Variants in PPM1G observed in about 807,000 individuals in gnomAD.
PPM1G encodes protein phosphatase, Mg2+/Mn2+ dependent 1G.
A neutral mutation model predicts 59.4 loss-of-function variants in PPM1G; 12 were observed. That is an observed-to-expected ratio of 0.20 (90% CI 0.13 to 0.33). The LOEUF (loss-of-function observed/expected upper bound fraction) is 0.33. Among genes scored for constraint, PPM1G ranks in the 10% least tolerant of loss-of-function variants. PPM1G has a pLI of 1.00. For missense variants in PPM1G, 392 were observed against 681.3 expected (o/e 0.58, Z 4.73); for synonymous variants, 245 against 251.9 (o/e 0.97, Z 0.26).
At chr2:27,405,518 G>T (rs1331670139) in intron 1 of PPM1G, among the ~76,000 whole-genome samples, 1 of 151,480 alleles carries the variant, frequency 6.6e-6, no homozygotes, top group Admixed American at 6.6e-5. Context: ...GTGAGATCTC[G>T]GCTCACTGGC....
chr2:27,396,455 G>A (rs185248064), intron 1 of PPM1G, among the ~76,000 whole-genome samples: 2 of 152,188 alleles, frequency 1.3e-5, no homozygotes, highest in Admixed American at 1.3e-4. Flanking sequence ...TCTGTAGGAT[G>A]AAGAGTTCTG....
chr2:27,385,140 C>A lies in PPM1G; in HGVS notation c.410-52G>T. 6.6e-7 allele frequency: 1 copy of A among 1,515,128 alleles called. No individual in the cohort carries two copies. The highest frequency in any genetic ancestry group is 8.8e-7 in the Non-Finnish European group (1 of 1,138,058). 93.9% of individuals were successfully genotyped at this position (1,515,128 alleles called of 1,614,324 possible). The stretch of plus-strand genomic sequence containing the variant: ...CCCCATGCCAGACTCCTCATGGGAT[C>A]CGTCCCTCTCACTACCTCAACAGCC... On this transcript the variant is annotated intron_variant, in intron 4 of 9. Coordinates refer to ENST00000344034, the MANE Select transcript of PPM1G (RefSeq NM_177983.3). The surrounding 1 kb of genome is among the most constrained non-coding windows in gnomAD (Gnocchi z 4.1).
chr2:27,392,779 G>T (rs1464244819), intron 1 of PPM1G: 1 of 1,458,250 alleles, frequency 6.9e-7, no homozygotes, highest in Non-Finnish European at 9.5e-7. Flanking sequence ...AAATTAGCCT[G>T]AGGCTTAGCT....
At chr2:27,386,407 C>T (rs1683763358) in intron 2 of PPM1G, 128 bp from the exon 3 acceptor site, 2 of 633,406 alleles carry the variant, frequency 3.2e-6, no homozygotes, top group African/African-American at 1.8e-5. Flanking sequence ...CACCCCTGAA[C>T]CCTATTTGAA....
At chr2:27,401,135 G>A (rs187319512) in intron 1 of PPM1G, among the ~76,000 whole-genome samples, 1 of 152,310 alleles carries the variant, frequency 6.6e-6, no homozygotes, top group East Asian at 1.9e-4. Flanking sequence ...CACTGATCTA[G>A]AAAGAAGCAA....
In PPM1G at chr2:27,385,535, T is replaced by C. The variant is rs1287742242; in HGVS notation, c.409+212A>G. 3.3e-6 allele frequency: 2 copies of C among 598,706 alleles called. No individual in the cohort carries two copies. The highest frequency in any genetic ancestry group is 4.9e-5 in the South Asian group (2 of 40,654). 37.1% of individuals were successfully genotyped at this position (598,706 alleles called of 1,614,324 possible). On this transcript the variant is annotated intron_variant, in intron 4 of 9. Coordinates refer to ENST00000344034, the MANE Select transcript of PPM1G (RefSeq NM_177983.3). This position sits in a 1 kb window ranked among gnomAD's most constrained non-coding sequence, Gnocchi z 4.1. ...TCACAATGACAAAAGATAATGTATA[T>C]ACAATGCTTACAGCTCAGATGCCAC...
Position 27,382,830 on chromosome 2 carries a change from T to TA in PPM1G, c.1202-226_1202-225insT, listed in dbSNP as rs1491256565. Among the ~76,000 whole-genome samples, 9 of 43,730 alleles carry TA rather than the reference T, an allele frequency of 2.1e-4. No homozygotes were observed. Among genetic ancestry groups the TA allele is most frequent in the Non-Finnish European group, 3.6e-4 (9 of 24,842 alleles). The allele number at this position is 43,730 out of a possible 152,430, so 28.7% of individuals were successfully genotyped here. A position where few individuals can be genotyped will look rare whatever the true frequency, so the allele number is the denominator to read the frequency against. ...GTCTTTTTATTTTAAGTCTTTTTTG[T>TA]TTTTTTTTTTTTGAGACGGAGTTTC... On this transcript the variant is annotated intron_variant, in intron 7 of 9. Transcript: ENST00000344034. The surrounding 1 kb of genome is among the most constrained non-coding windows in gnomAD (Gnocchi z 4.2).
intron 1 of PPM1G, among the ~76,000 whole-genome samples, chr2:27,407,941 G>A (rs536925000): frequency 6.6e-6 from 1 of 152,140 alleles, no homozygotes; most frequent in South Asian, 2.1e-4. Flanking sequence ...CAACTACTAG[G>A]GAGGCTGAGG....
At position 27,386,921 on chromosome 2, in the gene PPM1G, G is replaced by C. The variant is rs924797090; in HGVS notation, c.190+168C>G. On this transcript the variant is annotated intron_variant, in intron 2 of 9. Coordinates refer to ENST00000344034, the MANE Select transcript of PPM1G (RefSeq NM_177983.3). ...CCTGGTGAGATTATAAACCAATACA[G>C]TACCTACTGGGAAAAAAGAATGACA... 14 of 601,862 alleles carry C rather than the reference G, an allele frequency of 2.3e-5. No individual in the cohort carries two copies. The South Asian group carries it at 2.7e-4, about 11-fold the overall frequency. The allele number at this position is 601,862 out of a possible 1,614,324, so 37.3% of individuals were successfully genotyped here. A position where few individuals can be genotyped will look rare whatever the true frequency, so the allele number is the denominator to read the frequency against.
In PPM1G at chr2:27,381,549, G is replaced by C. The variant is rs759083140; in HGVS notation, c.*50C>G. ...GGAAAAAGACAAAACTCAGTCTCAG[G>C]TCCGGAGGGCTCAGAAAACAGTCTA... On this transcript the variant is annotated 3_prime_UTR_variant, in exon 10 of 10. Transcript: ENST00000344034. The C allele has an allele frequency of 1.9e-6, 3 of 1,603,250 alleles. No individual in the cohort carries two copies. Among genetic ancestry groups the C allele is most frequent in the South Asian group, 2.2e-5 (2 of 90,862 alleles).
At chr2:27,399,544 T>C (rs1035481694) in intron 1 of PPM1G, among the ~76,000 whole-genome samples, 2 of 152,078 alleles carry the variant, frequency 1.3e-5, no homozygotes. Context: ...TGTGGTGGCA[T>C]GTGCCTGTAA....
chr2:27,400,855 G>A (rs1028552932), intron 1 of PPM1G, among the ~76,000 whole-genome samples: 1 of 152,182 alleles, frequency 6.6e-6, no homozygotes, highest in Non-Finnish European at 1.5e-5. Flanking sequence ...TATCTGAACA[G>A]AAGGAGAGAA....
At chr2:27,386,928 C>T in intron 2 of PPM1G, 161 bp downstream of exon 2, 1 of 610,276 alleles carries the variant, frequency 1.6e-6, no homozygotes. Flanking sequence ...ACAGTACCTA[C>T]TGGGAAAAAA....
chr2:27,407,101 G>C (rs1028329590), intron 1 of PPM1G, among the ~76,000 whole-genome samples: 2 of 151,712 alleles, frequency 1.3e-5, no homozygotes, highest in Non-Finnish European at 2.9e-5. Flanking sequence ...AAGTAGCTAT[G>C]ATTATAGGCA....
At chr2:27,404,594 C>A (rs1338658420) in intron 1 of PPM1G, among the ~76,000 whole-genome samples, 1 of 151,768 alleles carries the variant, frequency 6.6e-6, no homozygotes, top group Non-Finnish European at 1.5e-5. Context: ...GCAGTTTTGT[C>A]ACTTCCAGAG....
chr2:27,391,980 C>G (rs1683915797), intron 1 of PPM1G, among the ~76,000 whole-genome samples: 1 of 151,974 alleles, frequency 6.6e-6, no homozygotes, highest in African/African-American at 2.4e-5. Context: ...ATCTGCCCAC[C>G]TTGGCCTCCC....
chr2:27,404,440 T>C (rs1262625366), intron 1 of PPM1G, among the ~76,000 whole-genome samples: 2 of 151,386 alleles, frequency 1.3e-5, no homozygotes, highest in Non-Finnish European at 2.9e-5. Context: ...ATCCCAGCTA[T>C]TTGGAAGGCT....
chr2:27,387,023 G>A, intron 2 of PPM1G, 66 bp downstream of exon 2: 2 of 1,300,738 alleles, frequency 1.5e-6, no homozygotes, highest in Non-Finnish European at 2.2e-6. Flanking sequence ...AAAGGGACCT[G>A]TTCTTGCCCT....
intron 1 of PPM1G, among the ~76,000 whole-genome samples, chr2:27,404,017 C>T (rs780273151): frequency 1.3e-5 from 2 of 152,056 alleles, no homozygotes; most frequent in Non-Finnish European, 2.9e-5. Flanking sequence ...TAAGGTAGAA[C>T]CCCATAGCAT....
Sources: gnomAD v4.1 joint callset for allele counts (sites outside exome capture counted in the v4.1 genomes callset) on GRCh38, gnomAD v4.1.1 for gene constraint, Gnocchi (gnomAD v3.1) non-coding constraint, MANE v1.5 for transcripts, NCBI Gene and HGNC (gene_info 2026-07-23, HGNC 2026-07-21) for gene names.